Variants in PIGK observed in about 807,000 individuals in gnomAD.
PIGK encodes GPI-anchor transamidase.
PIGK carries 42 observed loss-of-function variants against 50.6 expected under a neutral mutation model. The observed-to-expected ratio is 0.83, with a 90% CI of 0.65 to 1.07. The LOEUF is 1.07. PIGK is among the 50% of genes least tolerant of loss of function. PIGK has a pLI of 0.00. For missense variants in PIGK, 448 were observed against 488.7 expected (o/e 0.92, Z 0.78); for synonymous variants, 151 against 156.0 (o/e 0.97, Z 0.24).
chr1:77,158,623 G>A (rs1307030017), intron 8 of PIGK, among the ~76,000 whole-genome samples: 2 of 152,178 alleles, frequency 1.3e-5, no homozygotes, highest in African/African-American at 4.8e-5. Flanking sequence ...GGGAATTGGA[G>A]CAAAGGTGAT....
chr1:77,169,242 C>T lies in PIGK; in HGVS notation c.375+18G>A. On this transcript the variant is annotated intron_variant, in intron 4 of 10. Coordinates refer to ENST00000370812, the MANE Select transcript of PIGK (RefSeq NM_005482.3). ...TAACAATGCCATTTTAAAAATGTGG[C>T]TAGATTAAAGAATTTACCTCGTAAC... 1.4e-6 allele frequency: 2 copies of T among 1,477,858 alleles called. No homozygotes were observed. The highest frequency in any genetic ancestry group is 9.1e-7 in the Non-Finnish European group (1 of 1,094,592). The allele number at this position is 1,477,858 out of a possible 1,614,324, so 91.5% of individuals were successfully genotyped here. A position where few individuals can be genotyped will look rare whatever the true frequency, so the allele number is the denominator to read the frequency against.
At chr1:77,127,345 C>T (rs957533906) in intron 9 of PIGK, among the ~76,000 whole-genome samples, 4 of 152,290 alleles carry the variant, frequency 2.6e-5, no homozygotes, top group African/African-American at 9.6e-5. Flanking sequence ...TTCTCTCTAA[C>T]TCAGAAAGAG....
chr1:77,174,317 C>G (rs1007173095), intron 3 of PIGK, among the ~76,000 whole-genome samples: 1 of 152,174 alleles, frequency 6.6e-6, no homozygotes, highest in East Asian at 1.9e-4. Context: ...GATATTCAAG[C>G]TCTAACAGCC....
chr1:77,157,576 G>A (rs1466881266), intron 8 of PIGK, among the ~76,000 whole-genome samples: 1 of 152,138 alleles, frequency 6.6e-6, no homozygotes, highest in Non-Finnish European at 1.5e-5. Context: ...GAAGTAATTG[G>A]AACTTAGGTG....
chr1:77,147,367 A>C (rs1380196540), intron 9 of PIGK, among the ~76,000 whole-genome samples: 1 of 149,718 alleles, frequency 6.7e-6, no homozygotes, highest in Non-Finnish European at 1.5e-5. Context: ...AGGAGAGAGG[A>C]GGGAACGGGA....
At position 77,092,343 on chromosome 1, in the gene PIGK, T is replaced by G. The variant is rs1377497049; in HGVS notation, c.*31A>C. 1.1e-6 allele frequency: 1 copy of G among 891,860 alleles called. No individual in the cohort carries two copies. The highest frequency in any genetic ancestry group is 1.8e-6 in the Non-Finnish European group (1 of 562,428). 55.2% of individuals were successfully genotyped at this position (891,860 alleles called of 1,614,324 possible). A position where few individuals can be genotyped will look rare whatever the true frequency, so the allele number is the denominator to read the frequency against. On this transcript the variant is annotated 3_prime_UTR_variant, in exon 11 of 11. Coordinates refer to ENST00000370812, the MANE Select transcript of PIGK (RefSeq NM_005482.3). ...CATAAATTATTATCCAAGTTTGCAG[T>G]CCTCCATGCATTCTTCATTCATCAT...
Position 77,147,214 on chromosome 1 carries a change from T to A in PIGK, c.986+7235A>T, listed in dbSNP as rs576629249. On this transcript the variant is annotated intron_variant, in intron 9 of 10. Transcript: ENST00000370812. ...AGCCATCAGATCTCGTGAGACTTATTCACTACCATGAGAACAGTATGGGGG... is the reference window on the plus strand; with the variant it reads ...AGCCATCAGATCTCGTGAGACTTATACACTACCATGAGAACAGTATGGGGG... Among the ~76,000 whole-genome samples the A allele has an allele frequency of 3.5e-4, 54 of 152,216 alleles. No homozygotes were observed. The South Asian group carries it at 0.011, about 32-fold the overall frequency.
intron 3 of PIGK, among the ~76,000 whole-genome samples, chr1:77,186,507 A>G (rs573750959): frequency 6.6e-6 from 1 of 152,342 alleles, no homozygotes; most frequent in Non-Finnish European, 1.5e-5. Context: ...ATTGGTGACA[A>G]AGAAATTTGG....
intron 3 of PIGK, among the ~76,000 whole-genome samples, chr1:77,170,538 A>G (rs909869688): frequency 3.3e-5 from 5 of 152,220 alleles, no homozygotes; most frequent in African/African-American, 1.2e-4. Context: ...CCATTAGGAT[A>G]TAAGCTCTCT....
chr1:77,189,738 TATATATATATACACACAC>T (rs1286100999), intron 3 of PIGK, among the ~76,000 whole-genome samples: 54 of 31,998 alleles, frequency 1.7e-3, no homozygotes, highest in Middle Eastern at 0.045. Flanking sequence ...TATATATATA[TATATATATATACACACAC>T]ACACACACAC....
At chr1:77,107,536 G>A (rs1382602241) in intron 10 of PIGK, among the ~76,000 whole-genome samples, 2 of 152,156 alleles carry the variant, frequency 1.3e-5, no homozygotes, top group Non-Finnish European at 2.9e-5. Context: ...GAATAAGTGC[G>A]ATGTGGTGCT....
In PIGK at chr1:77,169,172, A is replaced by T. The variant is rs573119957; in HGVS notation, c.375+88T>A. 15 of 853,336 alleles carry T rather than the reference A, an allele frequency of 1.8e-5. No homozygotes were observed. The East Asian group carries it at 4.5e-4, about 26-fold the overall frequency. 52.9% of individuals were successfully genotyped at this position (853,336 alleles called of 1,614,324 possible). On this transcript the variant is annotated intron_variant, in intron 4 of 10. Transcript: ENST00000370812. ...TCAGTGACAATTAAATTTAAAGAAA[A>T]ATAATAAGACAATTTTATTCTGCCA...
At chr1:77,130,188 TC>T (rs1654336819) in intron 9 of PIGK, among the ~76,000 whole-genome samples, 1 of 118,540 alleles carries the variant, frequency 8.4e-6, no homozygotes, top group African/African-American at 4.2e-5. Flanking sequence ...GTTTGCATTG[TC>T]TTTTTTTTTT....
intron 3 of PIGK, among the ~76,000 whole-genome samples, chr1:77,181,356 C>T: frequency 6.6e-6 from 1 of 151,952 alleles, no homozygotes; most frequent in Non-Finnish European, 1.5e-5. Flanking sequence ...CAGTCCTGGA[C>T]CATTAGAGTG....
At position 77,187,813 on chromosome 1, in the gene PIGK, C is replaced by T. The variant is rs148466460; in HGVS notation, c.240-18418G>A. On this transcript the variant is annotated intron_variant, in intron 3 of 10. Coordinates refer to ENST00000370812, the MANE Select transcript of PIGK (RefSeq NM_005482.3). ...AGTCAGGGACCCCAAACGGATGGAC[C>T]GGCTGAAGCCATGGCAGAAGAATGT... is the stretch of plus-strand genomic sequence containing the variant. Among the ~76,000 whole-genome samples the T allele has an allele frequency of 2.6e-4, 40 of 152,268 alleles. No individual in the cohort carries two copies. In the East Asian group the frequency reaches 5.4e-3, roughly 21 times the overall value.
chr1:77,152,976 A>C (rs1451146195), intron 9 of PIGK, among the ~76,000 whole-genome samples: 1 of 152,152 alleles, frequency 6.6e-6, no homozygotes, highest in Admixed American at 6.6e-5. Flanking sequence ...AAAATTAAAA[A>C]TAAAACTACC....
intron 3 of PIGK, among the ~76,000 whole-genome samples, chr1:77,176,659 T>G (rs1290158145): frequency 6.6e-6 from 1 of 152,184 alleles, no homozygotes; most frequent in African/African-American, 2.4e-5. Flanking sequence ...GGAAAGAACC[T>G]GAAAAGCACT....
intron 5 of PIGK, among the ~76,000 whole-genome samples, chr1:77,164,852 G>T (rs975961710): frequency 2.6e-5 from 4 of 152,108 alleles, no homozygotes; most frequent in African/African-American, 9.7e-5. Flanking sequence ...TAGCCACAAT[G>T]ATTTAGAATA....
At chr1:77,217,608 G>T (rs1411255164) in intron 1 of PIGK, among the ~76,000 whole-genome samples, 1 of 152,104 alleles carries the variant, frequency 6.6e-6, no homozygotes, top group Non-Finnish European at 1.5e-5. Context: ...AAGTTACTCT[G>T]GCTTCAATTT....
Sources: allele counts gnomAD v4.1 joint callset (sites outside exome capture counted in the v4.1 genomes callset), GRCh38; gene constraint gnomAD v4.1.1; transcripts MANE v1.5; gene names NCBI Gene and HGNC (gene_info 2026-07-23, HGNC 2026-07-21).